Variants in FAM81A observed in about 807,000 individuals in gnomAD.
FAM81A encodes the protein family with sequence similarity 81 member A, also known as protein FAM81A.
Under a neutral mutation model 46.7 loss-of-function variants are expected in FAM81A, and 19 were observed. That is an observed-to-expected ratio of 0.41 (90% CI 0.28 to 0.60). The LOEUF (loss-of-function observed/expected upper bound fraction) is 0.60, where lower values mean the gene tolerates loss of function less well. FAM81A is among the 20% of genes least tolerant of loss of function. The pLI, the probability that FAM81A is intolerant of heterozygous loss-of-function variation, is 0.34. For missense variants in FAM81A, 377 were observed against 453.5 expected (o/e 0.83, Z 1.53); for synonymous variants, 183 against 152.9 (o/e 1.20, Z -1.45).
chr15:59,489,899 A>T (rs1256310890), intron 3 of FAM81A, among the ~76,000 whole-genome samples: 2 of 152,210 alleles, frequency 1.3e-5, no homozygotes, highest in Non-Finnish European at 2.9e-5. Flanking sequence ...ATGTACAGAA[A>T]ATCAAATCAA....
At chr15:59,416,026 G>C (rs1425652318) in intron 2 of FAM81A, among the ~76,000 whole-genome samples, 1 of 152,182 alleles carries the variant, frequency 6.6e-6, no homozygotes, top group Non-Finnish European at 1.5e-5. Flanking sequence ...AAACAAATCT[G>C]TTTATATGTT....
chr15:59,456,116 T>TG (rs1448549550), intron 1 of FAM81A, among the ~76,000 whole-genome samples: 2 of 152,172 alleles, frequency 1.3e-5, no homozygotes, highest in Non-Finnish European at 2.9e-5. Context: ...GCTGGAGAAA[T>TG]GCAAGAGAGA....
intron 7 of FAM81A, among the ~76,000 whole-genome samples, chr15:59,515,476 C>T (rs1363156594): frequency 6.6e-6 from 1 of 152,088 alleles, no homozygotes; most frequent in Non-Finnish European, 1.5e-5. Context: ...GAATTGCAGA[C>T]TCTGCATTGA....
intron 2 of FAM81A, among the ~76,000 whole-genome samples, chr15:59,432,212 C>G (rs2081223574): frequency 6.6e-6 from 1 of 152,184 alleles, no homozygotes; most frequent in South Asian, 2.1e-4. Flanking sequence ...GCTCAAATCC[C>G]AAAACATGTT....
At chr15:59,456,864 C>T (rs1019442133) in intron 1 of FAM81A, among the ~76,000 whole-genome samples, 13 of 152,324 alleles carry the variant, frequency 8.5e-5, no homozygotes, top group Admixed American at 6.5e-4. Flanking sequence ...GCTGGGATTA[C>T]AGGCATGAGC....
chr15:59,514,516 T>G (rs2082246800), intron 7 of FAM81A, 92 bp downstream of exon 7: 2 of 1,434,016 alleles, frequency 1.4e-6, no homozygotes, highest in Non-Finnish European at 9.4e-7. Context: ...TATCACTGAT[T>G]TAGCTGTTCA....
chr15:59,427,386 C>G (rs2081199510), intron 2 of FAM81A, among the ~76,000 whole-genome samples: 1 of 152,172 alleles, frequency 6.6e-6, no homozygotes, highest in Non-Finnish European at 1.5e-5. Context: ...GCTGGGATTA[C>G]AGGCTTGAGC....
intron 8 of FAM81A, among the ~76,000 whole-genome samples, chr15:59,519,575 CTTCCCTTCCT>C (rs1294090075): frequency 3.3e-5 from 5 of 149,532 alleles, no homozygotes; most frequent in Non-Finnish European, 7.4e-5. Flanking sequence ...CTTCCCTTCC[CTTCCCTTCCT>C]TTCCCTTCCC....
chr15:59,424,410 C>A (rs761477901), intron 2 of FAM81A, among the ~76,000 whole-genome samples: 9 of 152,180 alleles, frequency 5.9e-5, no homozygotes, highest in Non-Finnish European at 1.0e-4. Context: ...CCTAGATAAT[C>A]TCATCCAATC....
chr15:59,492,337 C>T lies in FAM81A; in HGVS notation c.361C>T (p.Leu121=), dbSNP rs201324622. 344 of 1,613,740 alleles carry T rather than the reference C, an allele frequency of 2.1e-4. No homozygotes were observed. Among genetic ancestry groups the T allele is most frequent in the Non-Finnish European group, 2.7e-5 (32 of 1,179,852 alleles). The change falls in exon 4 of 9, where the codon CTG becomes TTG. Residue 121 remains leucine, a synonymous_variant. Transcript: ENST00000288228. ...SYGTNSALKT[L]EMRQLSGLGD... is the part of the protein sequence containing the mutation. ...TGGAACTAATTCTGCCTTAAAGACC[C>T]TGGAGATGCGCCAGCTCTCCGGTTT...
intron 4 of FAM81A, among the ~76,000 whole-genome samples, chr15:59,499,513 T>C (rs766839868): frequency 1.3e-4 from 20 of 152,250 alleles, no homozygotes; most frequent in Non-Finnish European, 2.4e-4. Flanking sequence ...TGTTTTTTCA[T>C]GAGGATTCAA....
intron 3 of FAM81A, among the ~76,000 whole-genome samples, chr15:59,469,389 T>C (rs1385512243): frequency 6.6e-6 from 1 of 152,208 alleles, no homozygotes; most frequent in East Asian, 1.9e-4. Flanking sequence ...TGAATCTGGG[T>C]GCTCCTGTAT....
chr15:59,511,442 C>T (rs1346172894), intron 6 of FAM81A, among the ~76,000 whole-genome samples: 1 of 152,088 alleles, frequency 6.6e-6, no homozygotes, highest in Admixed American at 6.6e-5. Flanking sequence ...CCAAAGGACA[C>T]GGGTTCACAT....
chr15:59,465,510 T>G (rs1394383957), intron 3 of FAM81A, among the ~76,000 whole-genome samples: 1 of 152,146 alleles, frequency 6.6e-6, no homozygotes, highest in African/African-American at 2.4e-5. Flanking sequence ...TGACCTCAGG[T>G]GATCCGCCCA....
At chr15:59,436,022 T>C (rs1207957655), upstream of FAM81A, among the ~76,000 whole-genome samples, 1 of 152,218 alleles carries the variant, frequency 6.6e-6, no homozygotes, top group Non-Finnish European at 1.5e-5. Flanking sequence ...TGGGAAGTCA[T>C]GGGCCTGATT....
At chr15:59,415,448 C>G (rs2081142508) in intron 2 of FAM81A, among the ~76,000 whole-genome samples, 1 of 152,142 alleles carries the variant, frequency 6.6e-6, no homozygotes, top group Non-Finnish European at 1.5e-5. Context: ...ATCAGCTGAT[C>G]TTGAGATGGG....
chr15:59,457,275 G>A (rs1287247038), intron 1 of FAM81A, among the ~76,000 whole-genome samples: 4 of 152,174 alleles, frequency 2.6e-5, no homozygotes, highest in African/African-American at 9.7e-5. Flanking sequence ...TGCCCAGAAC[G>A]GGAATCATCC....
At position 59,460,041 on chromosome 15, in the gene FAM81A, C is replaced by T. The variant is rs370249072; in HGVS notation, c.129C>T (p.Thr43=). ...ACAGGATCCTCTGCCATGAGAAAACCACCGCCGCCCTCGTAGAGCACGCCT... is the reference window on the plus strand; with the variant it reads ...ACAGGATCCTCTGCCATGAGAAAACTACCGCCGCCCTCGTAGAGCACGCCT... ...LEDRILCHEK[T]TAALVEHAFR... The change falls in exon 3 of 9, where the codon ACC becomes ACT. Residue 43 remains threonine, a synonymous_variant. Transcript: ENST00000288228. This position sits in a 1 kb window ranked among gnomAD's most constrained non-coding sequence, Gnocchi z 4.4. 24 of 1,613,790 alleles carry T rather than the reference C, an allele frequency of 1.5e-5. No individual in the cohort carries two copies. In the African/African-American group the frequency reaches 1.7e-4, roughly 12 times the overall value.
intron 4 of FAM81A, among the ~76,000 whole-genome samples, chr15:59,500,371 C>T (rs969782752): frequency 2.6e-5 from 4 of 152,146 alleles, no homozygotes; most frequent in Admixed American, 6.5e-5. Flanking sequence ...GATCATGGCT[C>T]ATTGTAATCT....
Sources: gnomAD v4.1 joint callset for allele counts (sites outside exome capture counted in the v4.1 genomes callset) on GRCh38, gnomAD v4.1.1 for gene constraint, Gnocchi (gnomAD v3.1) non-coding constraint, MANE v1.5 for transcripts, NCBI Gene and HGNC (gene_info 2026-07-23, HGNC 2026-07-21) for gene names.